B3GALT1: variants seen among roughly 807,000 people sequenced by gnomAD.
B3GALT1 encodes the protein beta-1,3-galactosyltransferase 1, also known as UDP-Gal:betaGlcNAc beta 1,3-galactosyltransferase, polypeptide 1.
A neutral mutation model predicts 23.2 loss-of-function variants in B3GALT1; 10 were observed. The observed-to-expected ratio is 0.43, with a 90% CI of 0.27 to 0.73. The LOEUF (loss-of-function observed/expected upper bound fraction) is 0.73. Among genes scored for constraint, B3GALT1 ranks in the 30% least tolerant of loss-of-function variants. B3GALT1 has a pLI of 0.21. For missense variants in B3GALT1, 299 were observed against 405.4 expected, an observed-to-expected ratio of 0.74 and a Z score of 2.25; for synonymous variants, 156 against 141.5, an observed-to-expected ratio of 1.10 and a Z score of -0.73.
At chr2:167,851,550 A>G (rs1164478159) in intron 4 of B3GALT1, among the ~76,000 whole-genome samples, 4 of 152,224 alleles carry the variant, frequency 2.6e-5, no homozygotes, top group South Asian at 2.1e-4. Context: ...CAGTCTTTCC[A>G]TAAATAAATC....
chr2:167,814,202 A>T (rs1161256549), intron 3 of B3GALT1, among the ~76,000 whole-genome samples: 1 of 152,190 alleles, frequency 6.6e-6, no homozygotes, highest in Non-Finnish European at 1.5e-5. Flanking sequence ...CTTATTAGAT[A>T]CTTCTTTGAT....
At chr2:167,457,476 A>G (rs1699189879) in intron 1 of B3GALT1, among the ~76,000 whole-genome samples, 1 of 151,902 alleles carries the variant, frequency 6.6e-6, no homozygotes, top group South Asian at 2.1e-4. Context: ...CCTGGCCTTC[A>G]TCAGCTTCTT....
intron 2 of B3GALT1, among the ~76,000 whole-genome samples, chr2:167,492,597 C>T (rs183460699): frequency 5.5e-4 from 84 of 152,322 alleles, no homozygotes; most frequent in African/African-American, 2.0e-3. Flanking sequence ...CCCACCAGCA[C>T]TGAAAGAACC....
intron 3 of B3GALT1, among the ~76,000 whole-genome samples, chr2:167,736,479 C>T (rs1394521357): frequency 6.6e-6 from 1 of 152,148 alleles, no homozygotes; most frequent in Non-Finnish European, 1.5e-5. Flanking sequence ...CTTAAAATGG[C>T]AAGCTCAGCA....
At chr2:167,368,984 T>C in intron 1 of B3GALT1, among the ~76,000 whole-genome samples, 1 of 152,186 alleles carries the variant, frequency 6.6e-6, no homozygotes, top group South Asian at 2.1e-4. Flanking sequence ...TATAAGGAAT[T>C]AGCTTGACAG....
intron 3 of B3GALT1, among the ~76,000 whole-genome samples, chr2:167,774,135 G>T (rs546667149): frequency 6.6e-5 from 10 of 152,034 alleles, no homozygotes; most frequent in African/African-American, 1.4e-4. Context: ...GACATAATGC[G>T]ATCACCAAAA....
intron 1 of B3GALT1, among the ~76,000 whole-genome samples, chr2:167,426,521 C>T (rs796763318): frequency 1.5e-4 from 23 of 152,234 alleles, no homozygotes; most frequent in African/African-American, 5.3e-4. Context: ...AGGTGATCCA[C>T]CCACCTTGAC....
At chr2:167,439,721 G>A (rs916765534) in intron 1 of B3GALT1, among the ~76,000 whole-genome samples, 7 of 152,072 alleles carry the variant, frequency 4.6e-5, no homozygotes, top group African/African-American at 1.7e-4. Context: ...TGCTATTGAT[G>A]AAAACATCTA....
chr2:167,822,106 C>G (rs1689119326), intron 4 of B3GALT1, among the ~76,000 whole-genome samples: 1 of 151,994 alleles, frequency 6.6e-6, no homozygotes, highest in Non-Finnish European at 1.5e-5. Context: ...TCTTCTCCCT[C>G]TAAAAACCCT....
chr2:167,330,287 G>T (rs1275292022), intron 1 of B3GALT1, among the ~76,000 whole-genome samples: 1 of 146,802 alleles, frequency 6.8e-6, no homozygotes, highest in Non-Finnish European at 1.5e-5. Flanking sequence ...TCTTCTGCTA[G>T]ATCTAGTCTA....
At chr2:167,441,328 T>A (rs940185160) in intron 1 of B3GALT1, among the ~76,000 whole-genome samples, 5 of 152,224 alleles carry the variant, frequency 3.3e-5, no homozygotes, top group African/African-American at 1.2e-4. Context: ...AAGTGAGAAA[T>A]TTTGAAAGCA....
At chr2:167,655,098 C>G (rs1366171655) in intron 3 of B3GALT1, among the ~76,000 whole-genome samples, 1 of 152,156 alleles carries the variant, frequency 6.6e-6, no homozygotes, top group Non-Finnish European at 1.5e-5. Flanking sequence ...TTTGAACCTA[C>G]TTAATCTTGA....
intron 1 of B3GALT1, among the ~76,000 whole-genome samples, chr2:167,409,787 G>A (rs1017104350): frequency 6.6e-6 from 1 of 151,742 alleles, no homozygotes; most frequent in African/African-American, 2.4e-5. Context: ...ACAGATGCTG[G>A]CGAAGGTGTG....
At chr2:167,532,674 T>C (rs1683345979) in intron 2 of B3GALT1, among the ~76,000 whole-genome samples, 1 of 152,144 alleles carries the variant, frequency 6.6e-6, no homozygotes, top group Non-Finnish European at 1.5e-5. Flanking sequence ...CCTATGCATG[T>C]TGAGTGCTTA....
chr2:167,580,339 C>T (rs1353091789), intron 2 of B3GALT1, among the ~76,000 whole-genome samples: 5 of 152,140 alleles, frequency 3.3e-5, no homozygotes, highest in Non-Finnish European at 7.4e-5. Flanking sequence ...CACTTTCTCT[C>T]CCCTCCAACC....
At chr2:167,675,323 AT>A in intron 3 of B3GALT1, among the ~76,000 whole-genome samples, 1 of 152,178 alleles carries the variant, frequency 6.6e-6, no homozygotes, top group Non-Finnish European at 1.5e-5. Flanking sequence ...TCCAAGCCCC[AT>A]TTTTATAGCA....
intron 2 of B3GALT1, among the ~76,000 whole-genome samples, chr2:167,623,687 C>G (rs570823116): frequency 1.6e-4 from 24 of 151,978 alleles, no homozygotes; most frequent in Non-Finnish European, 2.6e-4. Flanking sequence ...ACCACCATGG[C>G]ACATGTGTAC....
At chr2:167,438,877 T>A (rs551064977) in intron 1 of B3GALT1, among the ~76,000 whole-genome samples, 24 of 152,144 alleles carry the variant, frequency 1.6e-4, no homozygotes, top group Non-Finnish European at 2.8e-4. Flanking sequence ...CAGCTTCAGG[T>A]GTAGTCAGAA....
chr2:167,301,505 C>CT (rs1696444980), intron 1 of B3GALT1, among the ~76,000 whole-genome samples: 1 of 152,082 alleles, frequency 6.6e-6, no homozygotes, highest in Admixed American at 6.6e-5. Context: ...TCATTGGGCA[C>CT]TTTGATTACC....
Sources: gnomAD v4.1 joint callset for allele counts (sites outside exome capture counted in the v4.1 genomes callset) on GRCh38, gnomAD v4.1.1 for gene constraint, MANE v1.5 for transcripts, NCBI Gene and HGNC (gene_info 2026-07-23, HGNC 2026-07-21) for gene names.